PCDHGB6: variants seen among roughly 807,000 people sequenced by gnomAD.
PCDHGB6 encodes the protein protocadherin gamma-B6.
A neutral mutation model predicts 59.1 loss-of-function variants in PCDHGB6; 51 were observed. The ratio of observed to expected loss-of-function variants is 0.86; its 90% confidence interval spans 0.69 to 1.09. PCDHGB6 has a LOEUF of 1.09. PCDHGB6 is among the 50% of genes least tolerant of loss of function. The pLI is 0.00. For synonymous variants in PCDHGB6, 466 were observed against 495.1 expected (o/e 0.94, Z 0.78); for missense variants, 1,148 against 1,205.1 (o/e 0.95, Z 0.70).
chr5:141,463,574 G>A (rs942457606), intron 1 of PCDHGB6, among the ~76,000 whole-genome samples: 1 of 146,978 alleles, frequency 6.8e-6, no homozygotes, highest in Non-Finnish European at 1.5e-5. Flanking sequence ...TCAGCCTCCC[G>A]AGTAGCTGGG....
rs773942024 is a variant in PCDHGB6, at chr5:141,433,234, C to G, written c.2418+22614C>G. 3.3e-6 allele frequency: 5 copies of G among 1,512,860 alleles called. No homozygotes were observed. In the South Asian group the frequency reaches 5.0e-5, roughly 15 times the overall value. The allele number at this position is 1,512,860 out of a possible 1,614,324, so 93.7% of individuals were successfully genotyped here. A position where few individuals can be genotyped will look rare whatever the true frequency, so the allele number is the denominator to read the frequency against. On this transcript the variant is annotated intron_variant, in intron 1 of 3. Coordinates refer to ENST00000520790, the MANE Select transcript of PCDHGB6 (RefSeq NM_018926.3). ...TTTTTTTTTTTTAATTGCTCTGTCT[C>G]CCAAGCTGGAATGCAGCGGTACGAT...
chr5:141,417,839 C>A, intron 1 of PCDHGB6: 1 of 1,534,218 alleles, frequency 6.5e-7, no homozygotes, highest in South Asian at 1.2e-5. Flanking sequence ...AGCGGGGACC[C>A]AGCGAGAACC....
At chr5:141,497,713 T>C (rs1357797720) in intron 2 of PCDHGB6, among the ~76,000 whole-genome samples, 3 of 152,084 alleles carry the variant, frequency 2.0e-5, no homozygotes, top group Non-Finnish European at 1.5e-5. Context: ...CTCATTTTTG[T>C]ATTTTTAGTA....
chr5:141,480,250 A>T (rs2099515553), intron 1 of PCDHGB6, among the ~76,000 whole-genome samples: 2 of 151,988 alleles, frequency 1.3e-5, no homozygotes, highest in African/African-American at 4.8e-5. Context: ...CAAAAAAAAA[A>T]AAAAATGTGT....
rs13178808 is a variant in PCDHGB6 at position 141,491,920 on chromosome 5, G to A, written c.2419-2887G>A. 1.2e-4 allele frequency: 164 copies of A among 1,356,270 alleles called. No individual in the cohort carries two copies. Among genetic ancestry groups the A allele is most frequent in the Non-Finnish European group, 1.5e-4 (155 of 1,015,194 alleles). The allele number at this position is 1,356,270 out of a possible 1,614,324, so 84.0% of individuals were successfully genotyped here. On this transcript the variant is annotated intron_variant, in intron 1 of 3. Transcript: ENST00000520790. This position sits in a 1 kb window ranked among gnomAD's most constrained non-coding sequence, Gnocchi z 6.9. ...ACCGGGGGTGGTGGCGACTGTGGGC[G>A]AGGGGAGGTGGGACCGACCCCCACC...
intron 1 of PCDHGB6, chr5:141,421,546 A>C: frequency 6.2e-7 from 1 of 1,614,014 alleles, no homozygotes; most frequent in Non-Finnish European, 8.5e-7. Context: ...TTTTTTAAAT[A>C]TGGAACTTCT....
chr5:141,477,212 C>CCTCT lies in PCDHGB6; in HGVS notation c.2419-17594_2419-17591dup. 6.2e-7 allele frequency: 1 copy of CCTCT among 1,614,166 alleles called. No homozygotes were observed. The highest frequency in any genetic ancestry group is 8.5e-7 in the Non-Finnish European group (1 of 1,180,042). The stretch of plus-strand genomic sequence containing the variant: ...GTACAGCCCAGTACCCGAGGATGCC[C>CCTCT]CTCTGGGGACTGTCATCGCTTTGCT... On this transcript the variant is annotated intron_variant, in intron 1 of 3. Coordinates refer to ENST00000520790, the MANE Select transcript of PCDHGB6 (RefSeq NM_018926.3). This position sits in a 1 kb window ranked among gnomAD's most constrained non-coding sequence, Gnocchi z 4.9.
intron 1 of PCDHGB6, among the ~76,000 whole-genome samples, chr5:141,457,632 G>A (rs919693977): frequency 6.6e-6 from 1 of 152,142 alleles, no homozygotes; most frequent in African/African-American, 2.4e-5. Flanking sequence ...CTTATACTTG[G>A]CCTGATTATT....
Position 141,491,273 on chromosome 5 carries a change from G to A in PCDHGB6, c.2419-3534G>A. ...GACCCTGAGGAAATGCCCAAATCCA[G>A]TGACTTCCTCATACACCCTCCTGAG... On this transcript the variant is annotated intron_variant, in intron 1 of 3. Coordinates refer to ENST00000520790, the MANE Select transcript of PCDHGB6 (RefSeq NM_018926.3). This position sits in a 1 kb window ranked among gnomAD's most constrained non-coding sequence, Gnocchi z 6.9. The A allele has an allele frequency of 6.2e-7, 1 of 1,614,182 alleles. No individual in the cohort carries two copies. Among genetic ancestry groups the A allele is most frequent in the South Asian group, 1.1e-5 (1 of 91,082 alleles).
intron 2 of PCDHGB6, among the ~76,000 whole-genome samples, chr5:141,496,582 G>C (rs991035985): frequency 6.6e-6 from 1 of 152,100 alleles, no homozygotes; most frequent in Non-Finnish European, 1.5e-5. Flanking sequence ...TTTTAGGAAC[G>C]CAAAGCGCTT....
At chr5:141,421,781 G>A (rs1482347889) in intron 1 of PCDHGB6, 1 of 1,613,856 alleles carries the variant, frequency 6.2e-7, no homozygotes, top group Non-Finnish European at 8.5e-7. Context: ...CAACTGCGGG[G>A]CAGAACGGAT....
chr5:141,501,288 T>TATACACATAC (rs201660636), intron 2 of PCDHGB6, among the ~76,000 whole-genome samples: 2 of 81,228 alleles, frequency 2.5e-5, no homozygotes, highest in African/African-American at 9.9e-5. Flanking sequence ...GATATTCCCT[T>TATACACATAC]ATACACACAC....
rs149653507 is a variant in PCDHGB6 at position 141,469,869 on chromosome 5, G to A, written c.2419-24938G>A. Among the ~76,000 whole-genome samples, 591 of 152,290 alleles carry A rather than the reference G, an allele frequency of 3.9e-3. 6 individuals are homozygous for A. Among genetic ancestry groups the A allele is most frequent in the Admixed American group, 0.011 (171 of 15,304 alleles). On this transcript the variant is annotated intron_variant, in intron 1 of 3. Transcript: ENST00000520790. ...ATTCAGACCGGGTGCAATGGCTCACGCCTGTAATCTCGGCACTTTGGGAAG... is the reference window on the plus strand; with the variant it reads ...ATTCAGACCGGGTGCAATGGCTCACACCTGTAATCTCGGCACTTTGGGAAG...
chr5:141,442,135 G>C lies in PCDHGB6; in HGVS notation c.2418+31515G>C, dbSNP rs868124128. 8 of 164,066 alleles carry C rather than the reference G, an allele frequency of 4.9e-5. 1 individual carries two copies. The highest frequency in any genetic ancestry group is 2.8e-4 in the South Asian group (2 of 7,026). 10.2% of individuals were successfully genotyped at this position (164,066 alleles called of 1,614,324 possible). On this transcript the variant is annotated intron_variant, in intron 1 of 3. Transcript: ENST00000520790. ...CCCTCGTCGCCGACAGCCTGCAGGA[G>C]ACTCTGCCAGACCTCAGCGATCACT...
Position 141,432,602 on chromosome 5 carries a change from G to A in PCDHGB6, c.2418+21982G>A. The A allele has an allele frequency of 6.2e-7, 1 of 1,613,966 alleles. No homozygotes were observed. Among genetic ancestry groups the A allele is most frequent in the Non-Finnish European group, 8.5e-7 (1 of 1,179,972 alleles). On this transcript the variant is annotated intron_variant, in intron 1 of 3. Transcript: ENST00000520790. This position sits in a 1 kb window ranked among gnomAD's most constrained non-coding sequence, Gnocchi z 6.0. ...CCGTCTGCTCAAGGCCAGCGAGCCG[G>A]GACTCTTCTCGGTGGGTCTGCACAC...
rs2099426122 is a variant in PCDHGB6 at position 141,477,960 on chromosome 5, A to C, written c.2419-16847A>C. On this transcript the variant is annotated intron_variant, in intron 1 of 3. Coordinates refer to ENST00000520790, the MANE Select transcript of PCDHGB6 (RefSeq NM_018926.3). This position sits in a 1 kb window ranked among gnomAD's most constrained non-coding sequence, Gnocchi z 4.9. ...TCCTACAGTCTCTTGGGATCCCCTAACCAGAGCCTTTTTGCCATAGGGCTG... is the reference window on the plus strand; with the variant it reads ...TCCTACAGTCTCTTGGGATCCCCTACCCAGAGCCTTTTTGCCATAGGGCTG... 1 of 1,613,952 alleles carries C rather than the reference A, an allele frequency of 6.2e-7. No individual in the cohort carries two copies. Among genetic ancestry groups the C allele is most frequent in the African/African-American group, 1.3e-5 (1 of 74,922 alleles).
chr5:141,422,030 C>G, intron 1 of PCDHGB6: 1 of 1,609,592 alleles, frequency 6.2e-7, no homozygotes, highest in African/African-American at 1.3e-5. Flanking sequence ...GTTAATGCAA[C>G]GGATCCAGAC....
intron 2 of PCDHGB6, among the ~76,000 whole-genome samples, chr5:141,501,771 G>A (rs957546749): frequency 7.2e-5 from 11 of 152,118 alleles, no homozygotes; most frequent in African/African-American, 2.7e-4. Context: ...GGTTAAAAAA[G>A]AGGTCTCTCT....
rs980196319 is a variant in PCDHGB6 at position 141,511,604 on chromosome 5, A to C, written c.*431A>C. 3 of 248,420 alleles carry C rather than the reference A, an allele frequency of 1.2e-5. No individual in the cohort carries two copies. Among genetic ancestry groups the C allele is most frequent in the African/African-American group, 6.6e-5 (3 of 45,596 alleles). The allele number at this position is 248,420 out of a possible 1,614,324, so 15.4% of individuals were successfully genotyped here. Reference sequence around the variant, plus strand: ...GGTGTTGAAGTACCAAGTAACCTACAAGCCTCCTAGTTCTGAAAAGTTGGA... The same window carrying C: ...GGTGTTGAAGTACCAAGTAACCTACCAGCCTCCTAGTTCTGAAAAGTTGGA... On this transcript the variant is annotated 3_prime_UTR_variant, in exon 4 of 4. Coordinates refer to ENST00000520790, the MANE Select transcript of PCDHGB6 (RefSeq NM_018926.3).
Sources: allele counts gnomAD v4.1 joint callset (sites outside exome capture counted in the v4.1 genomes callset), GRCh38; gene constraint gnomAD v4.1.1; non-coding constraint Gnocchi (gnomAD v3.1); transcripts MANE v1.5; gene names NCBI Gene and HGNC (gene_info 2026-07-23, HGNC 2026-07-21).